GSE1: variants seen among roughly 807,000 people sequenced by gnomAD.
GSE1 encodes the protein Gse1 coiled-coil protein.
In GSE1, 32 loss-of-function variants were observed where a neutral mutation model predicts 112.6. The ratio of observed to expected loss-of-function variants is 0.28; its 90% CI spans 0.21 to 0.38. The LOEUF (loss-of-function observed/expected upper bound fraction) is 0.38, where lower values mean the gene tolerates loss of function less well. Among genes scored for constraint, GSE1 ranks in the 10% least tolerant of loss-of-function variants. GSE1 has a pLI of 1.00. For missense variants in GSE1, 2,348 were observed against 1,699.2 expected (o/e 1.38, Z -6.71); for synonymous variants, 1,115 against 735.6 (o/e 1.52, Z -8.35).
chr16:85,524,073 G>A (rs1049534626), intron 2 of GSE1, among the ~76,000 whole-genome samples: 12 of 152,184 alleles, frequency 7.9e-5, no homozygotes, highest in Admixed American at 7.9e-4. Context: ...CTGCAGCCAG[G>A]AGCCCCTCAT....
intron 1 of GSE1, among the ~76,000 whole-genome samples, chr16:85,249,051 A>G: frequency 6.6e-6 from 1 of 152,226 alleles, no homozygotes; most frequent in African/African-American, 2.4e-5. Flanking sequence ...CCTCTGGATC[A>G]AGCCATGCCT....
intron 2 of GSE1, among the ~76,000 whole-genome samples, chr16:85,361,295 A>G (rs2047074024): frequency 8.8e-6 from 1 of 113,288 alleles, no homozygotes; most frequent in Non-Finnish European, 1.8e-5. Context: ...GGGCAGAGAC[A>G]CACAGAGACA....
At chr16:85,358,909 G>C (rs2047008443) in intron 2 of GSE1, among the ~76,000 whole-genome samples, 1 of 152,236 alleles carries the variant, frequency 6.6e-6, no homozygotes, top group Non-Finnish European at 1.5e-5. Context: ...ATGGCTAAGA[G>C]CCTTGGACAA....
intron 1 of GSE1, among the ~76,000 whole-genome samples, chr16:85,180,920 T>C (rs2074570340): frequency 6.6e-6 from 1 of 152,262 alleles, no homozygotes; most frequent in Non-Finnish European, 1.5e-5. Context: ...GGTCCTGATT[T>C]TCTTCTTTAA....
chr16:85,442,781 A>C (rs928107157), intron 2 of GSE1, among the ~76,000 whole-genome samples: 1 of 152,166 alleles, frequency 6.6e-6, no homozygotes, highest in African/African-American at 2.4e-5. Flanking sequence ...ATATTACCAC[A>C]AATGCCGTGG....
At chr16:85,483,141 C>G (rs1215925335) in intron 2 of GSE1, among the ~76,000 whole-genome samples, 2 of 152,220 alleles carry the variant, frequency 1.3e-5, no homozygotes, top group African/African-American at 4.8e-5. Context: ...GTATATGAAG[C>G]AGAAATGAAT....
chr16:85,295,497 C>T (rs542267639), intron 1 of GSE1, among the ~76,000 whole-genome samples: 3 of 152,228 alleles, frequency 2.0e-5, no homozygotes, highest in African/African-American at 7.2e-5. Flanking sequence ...CTCCACCTTT[C>T]GGCTGCTGTC....
chr16:85,487,183 AT>A (rs1310417588), intron 2 of GSE1, among the ~76,000 whole-genome samples: 1 of 152,190 alleles, frequency 6.6e-6, no homozygotes, highest in Non-Finnish European at 1.5e-5. Context: ...CGAGGTGAGC[AT>A]GGATACAAAT....
chr16:85,183,418 C>T (rs1301211877), intron 1 of GSE1, among the ~76,000 whole-genome samples: 1 of 152,184 alleles, frequency 6.6e-6, no homozygotes, highest in Non-Finnish European at 1.5e-5. Flanking sequence ...GAGGTGGGCA[C>T]AGTGGCTGGG....
intron 2 of GSE1, among the ~76,000 whole-genome samples, chr16:85,468,858 A>G (rs1364662054): frequency 6.6e-6 from 1 of 152,246 alleles, no homozygotes; most frequent in African/African-American, 2.4e-5. Flanking sequence ...GCCACCCCCA[A>G]AATTCACGTC....
At chr16:85,588,757 G>A (rs2046826971) in intron 1 of GSE1, among the ~76,000 whole-genome samples, 2 of 152,172 alleles carry the variant, frequency 1.3e-5, no homozygotes. Flanking sequence ...CACTTTCCTG[G>A]AGGGAGGGGG....
intron 1 of GSE1, among the ~76,000 whole-genome samples, chr16:85,633,601 G>A (rs1335118343): frequency 6.6e-6 from 1 of 152,184 alleles, no homozygotes; most frequent in Non-Finnish European, 1.5e-5. Flanking sequence ...GTTGGGTGAT[G>A]CGTGGGATCC....
chr16:85,670,713 A>G (rs1173787352), intron 14 of GSE1: 3 of 210,688 alleles, frequency 1.4e-5, no homozygotes, highest in Non-Finnish European at 2.8e-5. Context: ...TGAAAGCTGC[A>G]TTTTAAGGCC....
chr16:85,197,714 C>A (rs2074954385), intron 1 of GSE1, among the ~76,000 whole-genome samples: 1 of 152,144 alleles, frequency 6.6e-6, no homozygotes, highest in Non-Finnish European at 1.5e-5. Context: ...CACTCTGTGT[C>A]ACCTTAGAGC....
At chr16:85,498,008 C>A (rs966664646) in intron 2 of GSE1, among the ~76,000 whole-genome samples, 4 of 146,356 alleles carry the variant, frequency 2.7e-5, no homozygotes, top group Admixed American at 6.8e-5. Flanking sequence ...CCCTGACCAC[C>A]GTGCCTGTGT....
chr16:85,643,170 G>C (rs1417005220), intron 2 of GSE1, among the ~76,000 whole-genome samples: 3 of 152,228 alleles, frequency 2.0e-5, no homozygotes, highest in Admixed American at 2.0e-4. Context: ...TTCGAGGTCA[G>C]ACAGCAGAGG....
intron 1 of GSE1, among the ~76,000 whole-genome samples, chr16:85,618,107 A>G (rs145891706): frequency 4.1e-4 from 63 of 152,252 alleles, no homozygotes; most frequent in African/African-American, 1.5e-3. Flanking sequence ...ATCTCTAGCC[A>G]GGCCTTCCAA....
chr16:85,671,242 C>T lies in GSE1; in HGVS notation c.3519+144C>T, dbSNP rs142906022. On this transcript the variant is annotated intron_variant, in intron 15 of 15. Transcript: ENST00000253458. The stretch of plus-strand genomic sequence containing the variant: ...GATCACGAGGTCAGGAGATCGAGAC[C>T]ATCCCGGCTAAAACGGTGAAACCCT... The T allele has an allele frequency of 1.3e-3, 685 of 523,688 alleles. 5 individuals carry two copies. The highest frequency in any genetic ancestry group is 2.5e-3 in the Admixed American group (70 of 27,696). 32.4% of individuals were successfully genotyped at this position (523,688 alleles called of 1,614,324 possible).
intron 1 of GSE1, among the ~76,000 whole-genome samples, chr16:85,567,365 A>C (rs1344137009): frequency 6.6e-6 from 1 of 152,188 alleles, no homozygotes; most frequent in East Asian, 1.9e-4. Flanking sequence ...GTCTCTGCCC[A>C]GCTACACCTG....
Sources: allele counts gnomAD v4.1 joint callset (sites outside exome capture counted in the v4.1 genomes callset), GRCh38; gene constraint gnomAD v4.1.1; transcripts MANE v1.5; gene names NCBI Gene and HGNC (gene_info 2026-07-23, HGNC 2026-07-21).